Variants in N4BP2 observed in about 807,000 individuals in gnomAD.
N4BP2 encodes the protein NEDD4-binding protein 2.
Under a neutral mutation model 152.8 loss-of-function variants are expected in N4BP2, and 91 were observed. The observed-to-expected ratio is 0.60, with a 90% CI of 0.50 to 0.71. The LOEUF (loss-of-function observed/expected upper bound fraction) is 0.71, where lower values mean the gene tolerates loss of function less well. Ranked by LOEUF, N4BP2 falls within the 30% of genes least tolerant of loss-of-function variation. The pLI, the probability that N4BP2 is intolerant of heterozygous loss-of-function variation, is 0.00. For synonymous variants in N4BP2, 646 were observed against 705.3 expected (o/e 0.92, Z 1.33); for missense variants, 1,923 against 2,059.1 (o/e 0.93, Z 1.28).
At position 40,121,606 on chromosome 4, in the gene N4BP2, A is replaced by G. The variant is rs200815306; in HGVS notation, c.3495A>G (p.Gln1165=). 1.9e-6 allele frequency: 3 copies of G among 1,614,178 alleles called. No homozygotes were observed. The highest frequency in any genetic ancestry group is 2.7e-5 in the African/African-American group (2 of 75,048). ...LGLNLKEIIS[Q]RGTLENSNSP... is the part of the protein sequence containing the mutation. ...TGAATTTGAAAGAAATTATTAGCCA[A>G]AGAGGAACTTTAGAGAATTCTAATT... The change falls in exon 9 of 18, where the codon CAA becomes CAG. Residue 1165 remains glutamine, a synonymous_variant. Coordinates refer to ENST00000261435, the MANE Select transcript of N4BP2 (RefSeq NM_018177.6).
chr4:40,165,020 A>C, the N4BP2 span, among the ~76,000 whole-genome samples: 1 of 152,082 alleles, frequency 6.6e-6, no homozygotes, highest in African/African-American at 2.4e-5. Context: ...TTCTTAGATA[A>C]AATTATATTT....
intron 1 of N4BP2, among the ~76,000 whole-genome samples, chr4:40,061,568 T>C (rs1733654247): frequency 6.6e-6 from 1 of 151,960 alleles, no homozygotes; most frequent in South Asian, 2.1e-4. Flanking sequence ...TCTCACCATG[T>C]TGGCCAGGCT....
At chr4:40,085,283 G>C in intron 2 of N4BP2, among the ~76,000 whole-genome samples, 1 of 151,654 alleles carries the variant, frequency 6.6e-6, no homozygotes, top group African/African-American at 2.4e-5. Context: ...CAATCTGCCC[G>C]CCTCAGCCTC....
rs1717500666 is a variant in N4BP2 at position 40,117,918 on chromosome 4, C to A, written c.1714C>A (p.His572Asn). 1 of 1,612,416 alleles carries A rather than the reference C, an allele frequency of 6.2e-7. No homozygotes were observed. The change falls in exon 8 of 18, where the codon CAT becomes AAT. Residue 572 changes from histidine (H) to asparagine (N), a missense_variant. Transcript: ENST00000261435. ...SKEKITRMLE[H>N]YQRFVSVPII... is the part of the protein sequence containing the mutation. ...AGAAAAAATAACAAGAATGTTGGAA[C>A]ATTATCAACGTTTTGTTTCAGTGCC...
intron 2 of N4BP2, among the ~76,000 whole-genome samples, chr4:40,096,975 G>A (rs1365250436): frequency 1.2e-4 from 19 of 152,076 alleles, no homozygotes; most frequent in South Asian, 2.1e-4. Context: ...GAAGACTTTC[G>A]TGTTTTTAAA....
rs752820414 is a variant in N4BP2 at position 40,142,714 on chromosome 4, G to A, written c.4827G>A (p.Leu1609=). Residue 1609 remains leucine, a synonymous_variant, in exon 15 of 18, where the codon CTG becomes CTA. Transcript: ENST00000261435. ...LKETEETPSE[L]SFQDFEYPDY... is the part of the protein sequence containing the mutation. ...AGACTGAAGAAACACCAAGTGAACT[G>A]TCTTTCCAGGACTTTGAGTACCCAG... The A allele has an allele frequency of 1.2e-6, 2 of 1,613,592 alleles. No individual in the cohort carries two copies.
chr4:40,127,924 G>T (rs987638918), intron 12 of N4BP2, among the ~76,000 whole-genome samples: 6 of 152,228 alleles, frequency 3.9e-5, no homozygotes, highest in Admixed American at 1.3e-4. Flanking sequence ...GCCTCCCAGA[G>T]TGCTGGGATT....
chr4:40,170,978 T>C, the N4BP2 span, among the ~76,000 whole-genome samples: 3 of 152,214 alleles, frequency 2.0e-5, no homozygotes, highest in African/African-American at 7.2e-5. Flanking sequence ...ATTGAGAGAT[T>C]TATTTACTTT....
intron 12 of N4BP2, among the ~76,000 whole-genome samples, chr4:40,130,109 G>A (rs28530746): frequency 0.029 from 4,362 of 151,974 alleles, 224 homozygotes; most frequent in African/African-American, 0.099. Context: ...GTGCAGTGGC[G>A]CAATCTCCTG....
At chr4:40,131,708 C>T in intron 12 of N4BP2, 93 bp from the exon 13 acceptor site, 3 of 831,964 alleles carry the variant, frequency 3.6e-6, no homozygotes, top group Non-Finnish European at 5.8e-6. Flanking sequence ...TTTAAATCAT[C>T]AGTAGTTTTG....
intron 1 of N4BP2, among the ~76,000 whole-genome samples, chr4:40,060,896 C>T (rs570827033): frequency 2.1e-4 from 32 of 152,284 alleles, no homozygotes; most frequent in African/African-American, 6.5e-4. Flanking sequence ...CGAGCCATCA[C>T]GCCTGGCCTG....
intron 16 of N4BP2, among the ~76,000 whole-genome samples, chr4:40,149,155 C>G (rs545900247): frequency 6.6e-6 from 1 of 152,310 alleles, no homozygotes; most frequent in African/African-American, 2.4e-5. Context: ...TTTACGGAAA[C>G]TTGCATATGA....
chr4:40,096,157 C>T (rs1210099415), intron 2 of N4BP2, among the ~76,000 whole-genome samples: 1 of 152,060 alleles, frequency 6.6e-6, no homozygotes, highest in Non-Finnish European at 1.5e-5. Flanking sequence ...GAGTCCCTGC[C>T]CTTGTGGAGC....
At chr4:40,135,928 A>G (rs769466121) in intron 13 of N4BP2, among the ~76,000 whole-genome samples, 1 of 152,208 alleles carries the variant, frequency 6.6e-6, no homozygotes, top group Admixed American at 6.5e-5. Context: ...GGCCAATGGA[A>G]GAGGTGAGAG....
the N4BP2 span, among the ~76,000 whole-genome samples, chr4:40,169,785 T>C: frequency 6.6e-6 from 1 of 151,164 alleles, no homozygotes; most frequent in Admixed American, 6.6e-5. Context: ...ACCAACATGG[T>C]GAAACCCCAT....
intron 14 of N4BP2, among the ~76,000 whole-genome samples, chr4:40,141,950 T>G (rs959506819): frequency 3.3e-5 from 5 of 151,758 alleles, no homozygotes; most frequent in African/African-American, 1.2e-4. Context: ...CAGTCAGGCG[T>G]GGTGGCGCGT....
At chr4:40,123,295 T>C in intron 10 of N4BP2, 83 bp downstream of exon 10, 1 of 895,642 alleles carries the variant, frequency 1.1e-6, no homozygotes, top group Admixed American at 2.2e-5. Context: ...CACATAATAT[T>C]AAGGAGTTCT....
intron 2 of N4BP2, among the ~76,000 whole-genome samples, chr4:40,090,076 G>C (rs1383493043): frequency 6.6e-6 from 1 of 152,150 alleles, no homozygotes; most frequent in African/African-American, 2.4e-5. Flanking sequence ...TCAAAAATCA[G>C]TCAGGCACAC....
Position 40,097,355 on chromosome 4 carries a change from G to A in N4BP2, c.15G>A (p.Arg5=), listed in dbSNP as rs1658204023. The A allele has an allele frequency of 6.2e-7, 1 of 1,613,196 alleles. No homozygotes were observed. Among genetic ancestry groups the A allele is most frequent in the Non-Finnish European group, 8.5e-7 (1 of 1,179,294 alleles). MPRR[R]KNLGGNPFRK... The stretch of plus-strand genomic sequence containing the variant: ...TGGAAGTCAGAATGCCAAGGAGAAG[G>A]AAAAATCTTGGGGGAAATCCTTTTC... Residue 5 remains arginine (R), a synonymous_variant, in exon 3 of 18, where the codon AGG becomes AGA. Transcript: ENST00000261435.
Sources: gnomAD v4.1 joint callset for allele counts (sites outside exome capture counted in the v4.1 genomes callset) on GRCh38, gnomAD v4.1.1 for gene constraint, MANE v1.5 for transcripts, NCBI Gene and HGNC (gene_info 2026-07-23, HGNC 2026-07-21) for gene names.